SLC41A2: variants seen among roughly 807,000 people sequenced by gnomAD.
The protein encoded by SLC41A2 is SLC41A1-like 1.
In SLC41A2, 32 loss-of-function variants were observed where a neutral mutation model predicts 58.3. That is an observed-to-expected ratio of 0.55 (90% CI 0.41 to 0.74). SLC41A2 has a LOEUF of 0.74. Among genes scored for constraint, SLC41A2 ranks in the 30% least tolerant of loss-of-function variants. SLC41A2 has a pLI of 0.00. For synonymous variants in SLC41A2, 190 were observed against 235.0 expected (o/e 0.81, Z 1.75); for missense variants, 514 against 680.6 (o/e 0.76, Z 2.72).
chr12:104,873,689 G>A (rs1408383405), intron 6 of SLC41A2, among the ~76,000 whole-genome samples: 1 of 152,136 alleles, frequency 6.6e-6, no homozygotes, highest in Non-Finnish European at 1.5e-5. Flanking sequence ...GCCAACACTT[G>A]TTATCTTTCA....
At chr12:104,838,169 A>G (rs2042277557) in intron 10 of SLC41A2, among the ~76,000 whole-genome samples, 4 of 152,346 alleles carry the variant, frequency 2.6e-5, no homozygotes, top group South Asian at 4.1e-4. Context: ...GTAAGTATGT[A>G]GAGGTCACTG....
At chr12:104,823,542 C>T (rs1474089835) in intron 10 of SLC41A2, among the ~76,000 whole-genome samples, 1 of 151,752 alleles carries the variant, frequency 6.6e-6, no homozygotes, top group Non-Finnish European at 1.5e-5. Context: ...GATAGTCTTC[C>T]CAATAAATGG....
At chr12:104,887,399 C>G (rs1011256079) in intron 5 of SLC41A2, among the ~76,000 whole-genome samples, 1 of 151,842 alleles carries the variant, frequency 6.6e-6, no homozygotes, top group Non-Finnish European at 1.5e-5. Flanking sequence ...GCTTGTGACT[C>G]TAGCCCAGTG....
intron 1 of SLC41A2, among the ~76,000 whole-genome samples, chr12:104,943,634 T>C (rs1440056841): frequency 6.6e-6 from 1 of 152,114 alleles, no homozygotes; most frequent in Non-Finnish European, 1.5e-5. Flanking sequence ...ACCCCTATTA[T>C]GCCCCAATTC....
chr12:104,858,034 A>C (rs938918010), intron 8 of SLC41A2, among the ~76,000 whole-genome samples: 1 of 152,142 alleles, frequency 6.6e-6, no homozygotes, highest in African/African-American at 2.4e-5. Context: ...AAGAATTAAC[A>C]CCAACAACAA....
At chr12:104,833,210 C>A (rs530279060) in intron 10 of SLC41A2, among the ~76,000 whole-genome samples, 8 of 152,302 alleles carry the variant, frequency 5.3e-5, no homozygotes, top group South Asian at 2.1e-4. Context: ...GTTTTAAATT[C>A]ATTCAATCAA....
Position 104,926,162 on chromosome 12 carries a change from A to G in SLC41A2, c.555+1811T>C, listed in dbSNP as rs190397825. Among the ~76,000 whole-genome samples, 3 of 152,372 alleles carry G rather than the reference A, an allele frequency of 2.0e-5. No individual in the cohort carries two copies. In the East Asian group the frequency reaches 5.8e-4, roughly 29 times the overall value. On this transcript the variant is annotated intron_variant, in intron 2 of 10. Transcript: ENST00000258538. ...ATGAAAGATAAGAGCACATTATAAG[A>G]TAATATATCTAATAGTTTCCCAGAG...
intron 3 of SLC41A2, among the ~76,000 whole-genome samples, chr12:104,904,370 G>A (rs1218380507): frequency 6.6e-6 from 1 of 152,134 alleles, no homozygotes; most frequent in East Asian, 1.9e-4. Flanking sequence ...TGCCACTTTT[G>A]TTTCTCAAGG....
intron 4 of SLC41A2, among the ~76,000 whole-genome samples, chr12:104,890,520 T>C (rs774533618): frequency 7.2e-5 from 11 of 152,224 alleles, no homozygotes; most frequent in Admixed American, 6.5e-5. Flanking sequence ...TCATGGTGTG[T>C]ATATATGTAT....
At chr12:104,819,036 T>C (rs889305659) in intron 10 of SLC41A2, among the ~76,000 whole-genome samples, 4 of 152,212 alleles carry the variant, frequency 2.6e-5, no homozygotes, top group African/African-American at 9.6e-5. Context: ...TTTGATCTAA[T>C]GGATGTATAC....
intron 6 of SLC41A2, among the ~76,000 whole-genome samples, chr12:104,877,330 T>A (rs1239233146): frequency 6.6e-6 from 1 of 152,162 alleles, no homozygotes; most frequent in African/African-American, 2.4e-5. Flanking sequence ...ACTTTAGCAA[T>A]CTGAACACAG....
chr12:104,955,016 CTT>C (rs375969264), intron 1 of SLC41A2, among the ~76,000 whole-genome samples: 8 of 79,168 alleles, frequency 1.0e-4, no homozygotes, highest in Non-Finnish European at 1.2e-4. Flanking sequence ...TTGGCCCTTG[CTT>C]TTTTTTTTTT....
rs547793970 is a variant in SLC41A2, at chr12:104,846,734, G to A, written c.1256-760C>T. On this transcript the variant is annotated intron_variant, in intron 8 of 10. Coordinates refer to ENST00000258538, the MANE Select transcript of SLC41A2 (RefSeq NM_001352171.3). Reference sequence around the variant, plus strand: ...AGGCTGCAGGCATACAGCCCTCCACGCTTCACACTTAGCACAGGGTAGCCG... The same window carrying A: ...AGGCTGCAGGCATACAGCCCTCCACACTTCACACTTAGCACAGGGTAGCCG... Among the ~76,000 whole-genome samples, 37 of 152,232 alleles carry A rather than the reference G, an allele frequency of 2.4e-4. No individual in the cohort carries two copies. The South Asian group carries it at 7.2e-3, about 30-fold the overall frequency.
chr12:104,847,077 C>T (rs929791302), intron 8 of SLC41A2, among the ~76,000 whole-genome samples: 1 of 150,818 alleles, frequency 6.6e-6, no homozygotes, highest in Non-Finnish European at 1.5e-5. Flanking sequence ...AACCATCCAA[C>T]AAGGAATTTA....
At chr12:104,808,142 G>C (rs964179952) in intron 10 of SLC41A2, among the ~76,000 whole-genome samples, 1 of 152,126 alleles carries the variant, frequency 6.6e-6, no homozygotes, top group Non-Finnish European at 1.5e-5. Context: ...CCTGTCTTGT[G>C]CCAGTTTTCA....
In SLC41A2 at chr12:104,816,382, G is replaced by C. The variant is rs542772632; in HGVS notation, c.1537-11045C>G. Among the ~76,000 whole-genome samples the C allele has an allele frequency of 9.2e-5, 14 of 152,280 alleles. No individual in the cohort carries two copies. The East Asian group carries it at 1.2e-3, about 13-fold the overall frequency. On this transcript the variant is annotated intron_variant, in intron 10 of 10. Coordinates refer to ENST00000258538, the MANE Select transcript of SLC41A2 (RefSeq NM_001352171.3). ...ATCTTTTAAAGTGCATCACTGAGCT[G>C]GCACGAAGGAAAGGAATCCTTGGAG... is the stretch of plus-strand genomic sequence containing the variant.
chr12:104,943,277 G>A (rs754390628), intron 1 of SLC41A2, among the ~76,000 whole-genome samples: 66 of 152,056 alleles, frequency 4.3e-4, no homozygotes, highest in Middle Eastern at 3.4e-3. Context: ...AATCATCACC[G>A]AGAAAGTTAA....
At chr12:104,822,073 C>A (rs2041659475) in intron 10 of SLC41A2, among the ~76,000 whole-genome samples, 1 of 151,646 alleles carries the variant, frequency 6.6e-6, no homozygotes, top group South Asian at 2.1e-4. Flanking sequence ...GAAATGATAG[C>A]CTAAAAATCA....
chr12:104,944,033 C>A (rs906149415), intron 1 of SLC41A2, among the ~76,000 whole-genome samples: 10 of 151,974 alleles, frequency 6.6e-5, no homozygotes, highest in African/African-American at 2.4e-4. Context: ...TCTATTAAAT[C>A]TTGCAACTAC....
Sources: allele counts gnomAD v4.1 joint callset (sites outside exome capture counted in the v4.1 genomes callset), GRCh38; gene constraint gnomAD v4.1.1; transcripts MANE v1.5; gene names NCBI Gene and HGNC (gene_info 2026-07-23, HGNC 2026-07-21).